EEF2K: variants seen among roughly 807,000 people sequenced by gnomAD.
EEF2K encodes eukaryotic elongation factor 2 kinase.
In EEF2K, 70 loss-of-function variants were observed where a neutral mutation model predicts 93.8. The observed-to-expected ratio is 0.75, with a 90% confidence interval of 0.62 to 0.91. The LOEUF (loss-of-function observed/expected upper bound fraction) is 0.91, where lower values mean the gene tolerates loss of function less well. Among genes scored for constraint, EEF2K ranks in the 40% least tolerant of loss-of-function variants. The pLI is 0.00. For missense variants in EEF2K, 935 were observed against 972.9 expected (o/e 0.96, Z 0.52); for synonymous variants, 376 against 380.8 (o/e 0.99, Z 0.15).
Position 22,264,702 on chromosome 16 carries a change from G to A in EEF2K, c.1378-116G>A. On this transcript the variant is annotated intron_variant, in intron 12 of 17. Coordinates refer to ENST00000263026, the MANE Select transcript of EEF2K (RefSeq NM_013302.5). Reference sequence around the variant, plus strand: ...ACATAGGGCCAATTTTCTGAGATAAGGGTCACCTAGGAGGGCCAGGCTGGT... The same window carrying A: ...ACATAGGGCCAATTTTCTGAGATAAAGGTCACCTAGGAGGGCCAGGCTGGT... 4.5e-6 allele frequency: 5 copies of A among 1,114,074 alleles called. No individual in the cohort carries two copies. The South Asian group carries it at 7.1e-5, about 16-fold the overall frequency. The allele number at this position is 1,114,074 out of a possible 1,614,324, so 69.0% of individuals were successfully genotyped here.
In EEF2K at chr16:22,257,273, T is replaced by A. The variant is rs756977496; in HGVS notation, c.789T>A (p.Phe263Leu). ...TGTAGGCCTTCAGCCACTTCACTTTTGAGCGTTCCGGCCATCAGCTGATAG... is the reference window on the plus strand; with the variant it reads ...TGTAGGCCTTCAGCCACTTCACTTTAGAGCGTTCCGGCCATCAGCTGATAG... ...LTPQAFSHFTFERSGHQLIVV... is the reference protein window; with the variant it reads ...LTPQAFSHFTLERSGHQLIVV... Residue 263 changes from phenylalanine (F) to leucine (L), a missense_variant, in exon 8 of 18, where the codon TTT becomes TTA. Coordinates refer to ENST00000263026, the MANE Select transcript of EEF2K (RefSeq NM_013302.5). 46 of 1,613,940 alleles carry A rather than the reference T, an allele frequency of 2.9e-5. No individual in the cohort carries two copies. The highest frequency in any genetic ancestry group is 3.9e-5 in the Non-Finnish European group (46 of 1,179,966).
At chr16:22,223,410 T>C (rs1158892846) in intron 1 of EEF2K, among the ~76,000 whole-genome samples, 1 of 151,924 alleles carries the variant, frequency 6.6e-6, no homozygotes, top group Non-Finnish European at 1.5e-5. Flanking sequence ...TCCCAAGTAG[T>C]TGGGATTATA....
Position 22,268,637 on chromosome 16 carries a change from A to G in EEF2K, c.1764+1761A>G, listed in dbSNP as rs144397299. 6.2e-3 allele frequency among the ~76,000 whole-genome samples: 909 copies of G among 147,400 alleles called. 4 individuals carry two copies. The highest frequency in any genetic ancestry group is 0.01 in the Non-Finnish European group (686 of 67,748). ...CTGAGCCACCATGCCCGACCAAAGA[A>G]GTTTTTTTTTTTAATTTTTAAATAT... On this transcript the variant is annotated intron_variant, in intron 15 of 17. Coordinates refer to ENST00000263026, the MANE Select transcript of EEF2K (RefSeq NM_013302.5).
intron 2 of EEF2K, among the ~76,000 whole-genome samples, chr16:22,229,612 A>T (rs960161050): frequency 1.3e-5 from 2 of 152,096 alleles, no homozygotes; most frequent in Non-Finnish European, 2.9e-5. Context: ...GAAGCATGAG[A>T]ATCACTTGAA....
At chr16:22,282,072 GC>G (rs1355759191) in intron 17 of EEF2K, among the ~76,000 whole-genome samples, 1 of 152,070 alleles carries the variant, frequency 6.6e-6, no homozygotes, top group African/African-American at 2.4e-5. Context: ...ACCAGCCTGG[GC>G]AACATAGGTA....
chr16:22,241,474 G>A (rs9930262), intron 2 of EEF2K, among the ~76,000 whole-genome samples: 3,685 of 151,154 alleles, frequency 0.024, 155 homozygotes, highest in African/African-American at 0.083. Flanking sequence ...GTGAAACCCC[G>A]TCTCTACTAA....
chr16:22,266,701 T>C lies in EEF2K; in HGVS notation c.1589T>C (p.Met530Thr). ...TCTGTGTGGCAGGTCCATCTGGCCA[T>C]GGTGCGCTACCACGAGGGTGGGCGC... is the stretch of plus-strand genomic sequence containing the variant. ...KSILGKVHLAMVRYHEGGRFC... is the reference protein window; with the variant it reads ...KSILGKVHLATVRYHEGGRFC... Residue 530 changes from methionine to threonine, a missense_variant, in exon 15 of 18, where the codon ATG becomes ACG. Physicochemically the swap from Met to Thr is moderately conservative, Grantham distance 81. Coordinates refer to ENST00000263026, the MANE Select transcript of EEF2K (RefSeq NM_013302.5). 4 of 1,610,312 alleles carry C rather than the reference T, an allele frequency of 2.5e-6. No homozygotes were observed. The highest frequency in any genetic ancestry group is 1.7e-6 in the Non-Finnish European group (2 of 1,177,904).
At chr16:22,214,679 A>G (rs537836597) in intron 1 of EEF2K, among the ~76,000 whole-genome samples, 1 of 152,046 alleles carries the variant, frequency 6.6e-6, no homozygotes, top group Non-Finnish European at 1.5e-5. Flanking sequence ...AACAACAACA[A>G]CAAACCCAAA....
intron 10 of EEF2K, 43 bp from the exon 11 acceptor site, chr16:22,260,419 C>T (rs777663425): frequency 5.0e-6 from 8 of 1,612,406 alleles, no homozygotes; most frequent in South Asian, 1.1e-5. Context: ...ATGCATGTTC[C>T]AGTAGTGGAA....
chr16:22,269,925 C>G (rs1464749420), intron 15 of EEF2K, among the ~76,000 whole-genome samples: 3 of 151,800 alleles, frequency 2.0e-5, no homozygotes, highest in African/African-American at 7.3e-5. Flanking sequence ...GGACATTTTA[C>G]CTCAGTGGTA....
Position 22,258,534 on chromosome 16 carries a change from G to C in EEF2K, c.1070G>C (p.Cys357Ser), listed in dbSNP as rs752905138. The C allele has an allele frequency of 6.2e-7, 1 of 1,614,058 alleles. No homozygotes were observed. ...KTILRGTEEK[C>S]GSPQVRTLSG... ...ATCTTGAGAGGAACAGAGGAAAAAT[G>C]TGGGAGCCCCCAAGTAAGGACCCTC... Residue 357 changes from cysteine to serine, a missense_variant, in exon 10 of 18, where the codon TGT becomes TCT. Cys to Ser is a moderately radical substitution (Grantham distance 112, BLOSUM62 -1). Transcript: ENST00000263026.
At chr16:22,226,514 C>CTTTTTTTTTTTTTTTT (rs1393099761) in intron 2 of EEF2K, among the ~76,000 whole-genome samples, 1 of 84,492 alleles carries the variant, frequency 1.2e-5, no homozygotes, top group African/African-American at 6.3e-5. Context: ...TTTCCTTCTT[C>CTTTTTTTTTTTTTTTT]TTCTTTTTTT....
intron 8 of EEF2K, 53 bp downstream of exon 8, chr16:22,257,438 C>T: frequency 6.3e-7 from 1 of 1,598,608 alleles, no homozygotes; most frequent in Non-Finnish European, 8.5e-7. Context: ...CCTGCTAAAA[C>T]CTCTGAGTTC....
intron 11 of EEF2K, among the ~76,000 whole-genome samples, chr16:22,261,250 C>T (rs1186747473): frequency 3.9e-5 from 6 of 152,194 alleles, no homozygotes; most frequent in Non-Finnish European, 7.4e-5. Context: ...TGGCACATAC[C>T]TGTAGTCCCA....
chr16:22,266,787 G>A lies in EEF2K; in HGVS notation c.1675G>A (p.Ala559Thr), dbSNP rs775024005. ...ESAVFHLEHA[A>T]NLGELEAIVG... ...GGCTGTCTTCCACCTGGAGCACGCAGCCAACCTGGGCGAGCTGGAGGCCAT... is the reference window on the plus strand; with the variant it reads ...GGCTGTCTTCCACCTGGAGCACGCAACCAACCTGGGCGAGCTGGAGGCCAT... Residue 559 changes from alanine to threonine, a missense_variant, in exon 15 of 18, where the codon GCC becomes ACC. Ala to Thr is a moderately conservative substitution (Grantham distance 58, BLOSUM62 0). Coordinates refer to ENST00000263026, the MANE Select transcript of EEF2K (RefSeq NM_013302.5). 1 of 1,614,094 alleles carries A rather than the reference G, an allele frequency of 6.2e-7. No individual in the cohort carries two copies. The highest frequency in any genetic ancestry group is 1.3e-5 in the African/African-American group (1 of 74,942).
At chr16:22,232,730 G>A (rs1281593561) in intron 2 of EEF2K, among the ~76,000 whole-genome samples, 4 of 152,178 alleles carry the variant, frequency 2.6e-5, no homozygotes, top group African/African-American at 7.2e-5. Flanking sequence ...ATGTTTGACT[G>A]TGTGTGGACG....
At chr16:22,245,956 G>A (rs11639903) in intron 3 of EEF2K, among the ~76,000 whole-genome samples, 53,917 of 151,842 alleles carry the variant, frequency 0.36, 10,605 homozygotes, top group East Asian at 0.86. Context: ...GGAGTTTTGA[G>A]TTGGGTATCC....
chr16:22,253,257 C>T (rs1207970930), intron 6 of EEF2K, among the ~76,000 whole-genome samples: 2 of 152,190 alleles, frequency 1.3e-5, no homozygotes, highest in African/African-American at 4.8e-5. Flanking sequence ...TGCATGAGCC[C>T]ACAGCTGAGA....
intron 16 of EEF2K, among the ~76,000 whole-genome samples, chr16:22,274,133 C>CT (rs1343298158): frequency 6.6e-6 from 1 of 152,066 alleles, no homozygotes; most frequent in African/African-American, 2.4e-5. Context: ...TGGTGAAACT[C>CT]TGTCTCTACT....
Sources: gnomAD v4.1 joint callset for allele counts (sites outside exome capture counted in the v4.1 genomes callset) on GRCh38, gnomAD v4.1.1 for gene constraint, MANE v1.5 for transcripts, NCBI Gene and HGNC (gene_info 2026-07-23, HGNC 2026-07-21) for gene names.